The following CEACAM1 variants were observed in gnomAD, a reference collection of about 807,000 sequenced individuals.
CEACAM1 encodes cell adhesion molecule CEACAM1.
In CEACAM1, 31 loss-of-function variants were observed where a neutral mutation model predicts 49.1. The ratio of observed to expected loss-of-function variants is 0.63; its 90% CI spans 0.47 to 0.85. The LOEUF is 0.85. Among genes scored for constraint, CEACAM1 ranks in the 40% least tolerant of loss-of-function variants. The pLI is 0.00. For synonymous variants in CEACAM1, 244 were observed against 247.8 expected (o/e 0.98, Z 0.14); for missense variants, 570 against 645.3 (o/e 0.88, Z 1.26).
At chr19:42,511,530 G>T in intron 7 of CEACAM1, 46 bp downstream of exon 7, 1 of 1,504,436 alleles carries the variant, frequency 6.6e-7, no homozygotes, top group South Asian at 1.1e-5. Flanking sequence ...GGGAGGGCAC[G>T]TGGTGGAACA....
chr19:42,518,345 T>C lies in CEACAM1; in HGVS notation c.1246+603A>G, dbSNP rs991163593. Among the ~76,000 whole-genome samples the C allele has an allele frequency of 2.0e-5, 3 of 152,076 alleles. No homozygotes were observed. The East Asian group carries it at 5.8e-4, about 30-fold the overall frequency. On this transcript the variant is annotated intron_variant, in intron 5 of 8. Transcript: ENST00000161559. Reference sequence around the variant, plus strand: ...GGCAGGATTGCTTGAACCCAGGGGATTGAGGCGGGAGTGAGCTTTGATCAC... The same window carrying C: ...GGCAGGATTGCTTGAACCCAGGGGACTGAGGCGGGAGTGAGCTTTGATCAC...
chr19:42,507,538 A>G lies in CEACAM1; in HGVS notation c.*1571T>C, dbSNP rs1181784788. 1 of 152,186 alleles carries G rather than the reference A, an allele frequency of 6.6e-6. No individual in the cohort carries two copies. Among genetic ancestry groups the G allele is most frequent in the African/African-American group, 2.4e-5 (1 of 41,444 alleles). The allele number at this position is 152,186 out of a possible 1,614,324, so 9.4% of individuals were successfully genotyped here. A position where few individuals can be genotyped will look rare whatever the true frequency, so the allele number is the denominator to read the frequency against. ...AGGCCTAACATGAGATCAGGTAAGCAATATAGAATAAAACCTTTCTCTTAG... is the reference window on the plus strand; with the variant it reads ...AGGCCTAACATGAGATCAGGTAAGCGATATAGAATAAAACCTTTCTCTTAG... On this transcript the variant is annotated 3_prime_UTR_variant, in exon 9 of 9. Coordinates refer to ENST00000161559, the MANE Select transcript of CEACAM1 (RefSeq NM_001712.5).
At chr19:42,510,719 A>G (rs982398862) in intron 8 of CEACAM1, among the ~76,000 whole-genome samples, 170 bp downstream of exon 8, 2 of 152,238 alleles carry the variant, frequency 1.3e-5, no homozygotes, top group Admixed American at 6.5e-5. Flanking sequence ...TCCAAAATGC[A>G]TGTTCTTGCT....
chr19:42,512,813 G>A (rs1242423308), intron 5 of CEACAM1, among the ~76,000 whole-genome samples: 1 of 151,864 alleles, frequency 6.6e-6, no homozygotes, highest in Non-Finnish European at 1.5e-5. Flanking sequence ...CTACAGGCAC[G>A]TGCCACCACA....
At chr19:42,526,909 G>C in intron 2 of CEACAM1, 132 bp downstream of exon 2, 1 of 1,410,928 alleles carries the variant, frequency 7.1e-7, no homozygotes, top group Non-Finnish European at 9.6e-7. Context: ...AGTGTGTCCT[G>C]CACTAGATGC....
chr19:42,528,172 T>TCCTATTTGGCTCATGAAAGGAC, intron 1 of CEACAM1, 139 bp downstream of exon 1: 1 of 656,092 alleles, frequency 1.5e-6, no homozygotes, highest in Non-Finnish European at 2.7e-6. Flanking sequence ...TTATGATCTC[T>TCCTATTTGGCTCATGAAAGGAC]ATCCCTTTCA....
At position 42,507,918 on chromosome 19, in the gene CEACAM1, A is replaced by C. The variant is rs559869918; in HGVS notation, c.*1191T>G. Reference sequence around the variant, plus strand: ...AAACAGAAAATGCACAGGTGCAAACATGGAATAGAATGGTAGTTGATGATT... The same window carrying C: ...AAACAGAAAATGCACAGGTGCAAACCTGGAATAGAATGGTAGTTGATGATT... On this transcript the variant is annotated 3_prime_UTR_variant, in exon 9 of 9. Coordinates refer to ENST00000161559, the MANE Select transcript of CEACAM1 (RefSeq NM_001712.5). 2 of 152,362 alleles carry C rather than the reference A, an allele frequency of 1.3e-5. No homozygotes were observed. The highest frequency in any genetic ancestry group is 1.3e-4 in the Admixed American group (2 of 15,308). The allele number at this position is 152,362 out of a possible 1,614,324, so 9.4% of individuals were successfully genotyped here.
At position 42,519,102 on chromosome 19, in the gene CEACAM1, C is replaced by T. The variant is rs1324811420; in HGVS notation, c.1092G>A (p.Gln364=). Reference sequence around the variant, plus strand: ...TCATCCTCTCCGAGGACGGGAGACTCTGGTTTTTGAAGAACCAACGGATGG... The same window carrying T: ...TCATCCTCTCCGAGGACGGGAGACTTTGGTTTTTGAAGAACCAACGGATGG... The part of the protein sequence containing the change: ...GISIRWFFKN[Q]SLPSSERMKL... The change falls in exon 5 of 9, where the codon CAG becomes CAA. Residue 364 remains glutamine, a synonymous_variant. Coordinates refer to ENST00000161559, the MANE Select transcript of CEACAM1 (RefSeq NM_001712.5). 6.2e-7 allele frequency: 1 copy of T among 1,614,172 alleles called. No homozygotes were observed. The highest frequency in any genetic ancestry group is 8.5e-7 in the Non-Finnish European group (1 of 1,180,046).
Position 42,521,261 on chromosome 19 carries a change from A to C in CEACAM1, c.958+6T>G, listed in dbSNP as rs767853979. The C allele has an allele frequency of 1.2e-6, 2 of 1,613,586 alleles. No individual in the cohort carries two copies. The highest frequency in any genetic ancestry group is 2.2e-5 in the South Asian group (2 of 91,068). On this transcript the variant is annotated splice_donor_region_variant and intron_variant, in intron 4 of 8. Transcript: ENST00000161559. ...TCTTAGTGTTGATGCTCCAGGAATT[A>C]CTTACCAGTGACTATGATCGTCTTG...
In CEACAM1 at chr19:42,507,559, C is replaced by G. The variant is rs2041365034; in HGVS notation, c.*1550G>C. 1 of 152,216 alleles carries G rather than the reference C, an allele frequency of 6.6e-6. No individual in the cohort carries two copies. Among genetic ancestry groups the G allele is most frequent in the East Asian group, 1.9e-4 (1 of 5,190 alleles). The allele number at this position is 152,216 out of a possible 1,614,324, so 9.4% of individuals were successfully genotyped here. Reference sequence around the variant, plus strand: ...AAGCAATATAGAATAAAACCTTTCTCTTAGCCCCAAAGAGATTCCATCTGT... The same window carrying G: ...AAGCAATATAGAATAAAACCTTTCTGTTAGCCCCAAAGAGATTCCATCTGT... On this transcript the variant is annotated 3_prime_UTR_variant, in exon 9 of 9. Transcript: ENST00000161559.
In CEACAM1 at chr19:42,518,936, G is replaced by A. The variant is rs1282612977; in HGVS notation, c.1246+12C>T. 6.2e-7 allele frequency: 1 copy of A among 1,613,882 alleles called. No homozygotes were observed. Among genetic ancestry groups the A allele is most frequent in the African/African-American group, 1.3e-5 (1 of 74,922 alleles). ...TAGAGGGACATATAGGAAGGGGTGA[G>A]GAGTCACTTACAGTTTACGTTCAGC... is the stretch of plus-strand genomic sequence containing the variant. On this transcript the variant is annotated intron_variant, in intron 5 of 8. Transcript: ENST00000161559.
chr19:42,507,796 A>G lies in CEACAM1; in HGVS notation c.*1313T>C, dbSNP rs2041368876. On this transcript the variant is annotated 3_prime_UTR_variant, in exon 9 of 9. Coordinates refer to ENST00000161559, the MANE Select transcript of CEACAM1 (RefSeq NM_001712.5). The stretch of plus-strand genomic sequence containing the variant: ...CTTTCTAGCTGTAAACAATGCCACC[A>G]GCATGAGTGATAGTGTCCCTGTAGG... The G allele has an allele frequency of 6.6e-6, 1 of 151,154 alleles. No homozygotes were observed. The highest frequency in any genetic ancestry group is 1.5e-5 in the Non-Finnish European group (1 of 68,056). 9.4% of individuals were successfully genotyped at this position (151,154 alleles called of 1,614,324 possible).
intron 7 of CEACAM1, 84 bp downstream of exon 7, chr19:42,511,492 G>A: frequency 9.0e-7 from 1 of 1,109,558 alleles, no homozygotes; most frequent in Non-Finnish European, 1.4e-6. Context: ...GGGAGGGAGT[G>A]GTTTGGGAAT....
intron 4 of CEACAM1, 152 bp from the exon 5 acceptor site, chr19:42,519,387 C>A: frequency 1.4e-6 from 1 of 702,316 alleles, no homozygotes; most frequent in East Asian, 2.5e-5. Flanking sequence ...AGCCCTGACC[C>A]TCTGCAGAAG....
At position 42,521,879 on chromosome 19, in the gene CEACAM1, A is replaced by T. The variant is rs775448394; in HGVS notation, c.703+45T>A. The T allele has an allele frequency of 1.9e-6, 3 of 1,613,756 alleles. No homozygotes were observed. In the East Asian group the frequency reaches 6.7e-5, roughly 36 times the overall value. ...AGAGGCCTGGCCTCTGGCTGCGTGG[A>T]TTTGGGCTGGCAGCCTGGGCCACAG... is the stretch of plus-strand genomic sequence containing the variant. On this transcript the variant is annotated intron_variant, in intron 3 of 8. Transcript: ENST00000161559.
Position 42,528,358 on chromosome 19 carries a change from G to A in CEACAM1, c.17C>T (p.Ala6Val), listed in dbSNP as rs138369088. The A allele has an allele frequency of 3.6e-4, 585 of 1,613,814 alleles. 2 individuals carry two copies. The highest frequency in any genetic ancestry group is 4.6e-4 in the Non-Finnish European group (547 of 1,179,932). MGHLS[A>V]PLHRVRVPWQ... ...GGGTACACGCACTCTGTGAAGTGGG[G>A]CTGAGAGGTGCCCCATGGTGTCTCC... The change falls in exon 1 of 9, where the codon GCC (alanine) becomes GTC (valine). Residue 6 changes from alanine (A) to valine (V), a missense_variant. Physicochemically the swap from Ala to Val is moderately conservative, Grantham distance 64. Transcript: ENST00000161559.
intron 2 of CEACAM1, among the ~76,000 whole-genome samples, chr19:42,523,338 C>G (rs1006602660): frequency 2.0e-5 from 3 of 152,214 alleles, no homozygotes; most frequent in Non-Finnish European, 4.4e-5. Context: ...CTGAAGGTAG[C>G]TCAGTCGTCA....
Position 42,512,420 on chromosome 19 carries a change from C to T in CEACAM1, c.1306G>A (p.Gly436Arg), listed in dbSNP as rs2041481515. ...SPGAIAGIVI[G>R]VVALVALIAV... ...ATCAGAGCAACCAGGGCCACTACTC[C>T]AATCACAATGCCAGCAATGGCCCCA... The change falls in exon 6 of 9, where the codon GGA becomes AGA. Residue 436 changes from glycine (G) to arginine (R), a missense_variant. Gly to Arg is a moderately radical substitution (Grantham distance 125, BLOSUM62 -2). Transcript: ENST00000161559. The T allele has an allele frequency of 1.2e-6, 2 of 1,613,992 alleles. No individual in the cohort carries two copies. Among genetic ancestry groups the T allele is most frequent in the Non-Finnish European group, 1.7e-6 (2 of 1,179,952 alleles).
rs1249291742 is a variant in CEACAM1 at position 42,507,556 on chromosome 19, T to A, written c.*1553A>T. The A allele has an allele frequency of 6.6e-6, 1 of 152,188 alleles. No homozygotes were observed. Among genetic ancestry groups the A allele is most frequent in the African/African-American group, 2.4e-5 (1 of 41,446 alleles). 9.4% of individuals were successfully genotyped at this position (152,188 alleles called of 1,614,324 possible). On this transcript the variant is annotated 3_prime_UTR_variant, in exon 9 of 9. Coordinates refer to ENST00000161559, the MANE Select transcript of CEACAM1 (RefSeq NM_001712.5). ...GGTAAGCAATATAGAATAAAACCTT[T>A]CTCTTAGCCCCAAAGAGATTCCATC...
Sources: gnomAD v4.1 joint callset for allele counts (sites outside exome capture counted in the v4.1 genomes callset) on GRCh38, gnomAD v4.1.1 for gene constraint, MANE v1.5 for transcripts, NCBI Gene and HGNC (gene_info 2026-07-23, HGNC 2026-07-21) for gene names.